DSCAM: variants seen among roughly 807,000 people sequenced by gnomAD.
DSCAM encodes the protein cell adhesion molecule DSCAM.
DSCAM carries 47 observed loss-of-function variants against 217.7 expected under a neutral mutation model. The observed-to-expected ratio is 0.22, with a 90% CI of 0.17 to 0.28. DSCAM has a LOEUF of 0.28. Among genes scored for constraint, DSCAM ranks in the 10% least tolerant of loss-of-function variants. The pLI is 1.00. For synonymous variants in DSCAM, 1,056 were observed against 1,015.3 expected, an observed-to-expected ratio of 1.04 and a Z score of -0.76; for missense variants, 2,080 against 2,618.3, an observed-to-expected ratio of 0.79 and a Z score of 4.49.
At chr21:40,213,592 C>G (rs1997551) in intron 11 of DSCAM, among the ~76,000 whole-genome samples, 74,300 of 151,542 alleles carry the variant, frequency 0.49, 18,731 homozygotes, top group Middle Eastern at 0.58. Flanking sequence ...TATTTGGGTT[C>G]CACGCAGAAA....
At chr21:40,406,103 C>A (rs2075277612) in intron 3 of DSCAM, among the ~76,000 whole-genome samples, 1 of 152,164 alleles carries the variant, frequency 6.6e-6, no homozygotes, top group Non-Finnish European at 1.5e-5. Context: ...AATAACGTAT[C>A]ACCTCATACC....
intron 24 of DSCAM, among the ~76,000 whole-genome samples, chr21:40,081,263 A>G (rs1368666177): frequency 4.6e-5 from 7 of 152,304 alleles, no homozygotes; most frequent in East Asian, 1.9e-4. Flanking sequence ...TGTGTTTGCA[A>G]CAACGGGTTG....
At chr21:40,102,207 G>A (rs899216469) in intron 20 of DSCAM, among the ~76,000 whole-genome samples, 2 of 152,088 alleles carry the variant, frequency 1.3e-5, no homozygotes, top group African/African-American at 4.8e-5. Flanking sequence ...AGACATGGAT[G>A]AATATTTATA....
At chr21:40,556,330 GGCAA>G (rs2076671371) in intron 3 of DSCAM, among the ~76,000 whole-genome samples, 1 of 152,052 alleles carries the variant, frequency 6.6e-6, no homozygotes, top group African/African-American at 2.4e-5. Flanking sequence ...AACAAAAACA[GGCAA>G]TTAACACATA....
intron 28 of DSCAM, among the ~76,000 whole-genome samples, chr21:40,061,156 T>G (rs2089112458): frequency 6.6e-6 from 1 of 152,194 alleles, no homozygotes; most frequent in Non-Finnish European, 1.5e-5. Context: ...GGTCTTTTCA[T>G]TCCCATCAAT....
intron 32 of DSCAM, among the ~76,000 whole-genome samples, chr21:40,039,931 A>G (rs1273793056): frequency 2.6e-5 from 4 of 152,230 alleles, no homozygotes; most frequent in Non-Finnish European, 4.4e-5. Context: ...GACATGACGA[A>G]TATCATCTAG....
At chr21:40,621,781 T>C (rs3804024) in intron 3 of DSCAM, among the ~76,000 whole-genome samples, 13,598 of 151,284 alleles carry the variant, frequency 0.09, 713 homozygotes, top group South Asian at 0.16. Flanking sequence ...GCAAATCCAA[T>C]TGAGCTGTTA....
At position 40,318,057 on chromosome 21, in the gene DSCAM, C is replaced by T. The variant is rs1023413272; in HGVS notation, c.1784-5698G>A. Among the ~76,000 whole-genome samples the T allele has an allele frequency of 2.0e-5, 3 of 151,894 alleles. No individual in the cohort carries two copies. The South Asian group carries it at 6.2e-4, about 32-fold the overall frequency. ...CCATGGTGTATATGTGCCACATTTT[C>T]TTAATCCAGTCTATCATTGTCGCAA... On this transcript the variant is annotated intron_variant, in intron 8 of 32. Transcript: ENST00000400454.
chr21:40,247,422 G>A (rs1466624518), intron 11 of DSCAM, among the ~76,000 whole-genome samples: 1 of 152,164 alleles, frequency 6.6e-6, no homozygotes, highest in Non-Finnish European at 1.5e-5. Context: ...ATACAATGGG[G>A]GTACAGGCAT....
chr21:40,802,818 A>G (rs552619454), intron 1 of DSCAM, among the ~76,000 whole-genome samples: 2 of 152,374 alleles, frequency 1.3e-5, no homozygotes, highest in East Asian at 3.9e-4. Context: ...GTTAGCCTCC[A>G]TAACAGTAAG....
At chr21:40,437,274 G>A (rs1054087824) in intron 3 of DSCAM, among the ~76,000 whole-genome samples, 3 of 152,090 alleles carry the variant, frequency 2.0e-5, no homozygotes, top group African/African-American at 7.2e-5. Flanking sequence ...ACTTGCTGTG[G>A]GAATTGCCAC....
At chr21:40,477,572 T>C (rs1006433692) in intron 3 of DSCAM, among the ~76,000 whole-genome samples, 1 of 152,098 alleles carries the variant, frequency 6.6e-6, no homozygotes, top group Non-Finnish European at 1.5e-5. Flanking sequence ...AAACAGCATA[T>C]GAAACTTAGT....
In DSCAM at chr21:40,013,371, A is replaced by G. The variant is rs1373197046; in HGVS notation, c.5702T>C (p.Leu1901Ser). 1 of 1,568,766 alleles carries G rather than the reference A, an allele frequency of 6.4e-7. No individual in the cohort carries two copies. The highest frequency in any genetic ancestry group is 1.2e-5 in the South Asian group (1 of 82,964). The change falls in exon 33 of 33, where the codon TTG (leucine) becomes TCG (serine). Residue 1901 changes from leucine (L) to serine (S), a missense_variant. Physicochemically the swap from Leu to Ser is moderately radical, Grantham distance 145. Transcript: ENST00000400454. ...KAHRPGDLIH[L>S]PPYLRMDFLL... ...AAAGTCCATTCTAAGGTATGGAGGC[A>G]AATGTATGAGGTCACCTAGAAGGAA...
intron 2 of DSCAM, among the ~76,000 whole-genome samples, chr21:40,706,913 T>C (rs2026273): frequency 0.11 from 16,615 of 152,180 alleles, 1,016 homozygotes; most frequent in Admixed American, 0.17. Flanking sequence ...TCATAGTCCA[T>C]AGGGTTTCAG....
intron 8 of DSCAM, among the ~76,000 whole-genome samples, chr21:40,330,526 A>G (rs1391755019): frequency 1.3e-5 from 2 of 151,784 alleles, no homozygotes; most frequent in Non-Finnish European, 2.9e-5. Flanking sequence ...AAAATGCCAT[A>G]TTTTAAAGAA....
At chr21:40,217,857 G>T (rs1245829926) in intron 11 of DSCAM, among the ~76,000 whole-genome samples, 1 of 152,014 alleles carries the variant, frequency 6.6e-6, no homozygotes, top group Non-Finnish European at 1.5e-5. Context: ...TTTTAATGGG[G>T]TGGTTTGTTT....
intron 1 of DSCAM, among the ~76,000 whole-genome samples, chr21:40,820,680 A>G (rs1426903993): frequency 6.6e-6 from 1 of 152,162 alleles, no homozygotes; most frequent in Non-Finnish European, 1.5e-5. Flanking sequence ...AAATTATCTT[A>G]TGGTTGAACT....
At chr21:40,337,119 C>T (rs1484656024) in intron 8 of DSCAM, among the ~76,000 whole-genome samples, 4 of 152,020 alleles carry the variant, frequency 2.6e-5, no homozygotes, top group Non-Finnish European at 5.9e-5. Context: ...GTGTGTGTGT[C>T]TGTATGCGTT....
intron 3 of DSCAM, among the ~76,000 whole-genome samples, chr21:40,448,645 T>TTATC (rs796139352): frequency 7.2e-5 from 11 of 152,162 alleles, no homozygotes; most frequent in African/African-American, 2.6e-4. Context: ...ATCAATCTAT[T>TTATC]TATCTATCTA....
Sources: gnomAD v4.1 joint callset for allele counts (sites outside exome capture counted in the v4.1 genomes callset) on GRCh38, gnomAD v4.1.1 for gene constraint, MANE v1.5 for transcripts, NCBI Gene and HGNC (gene_info 2026-07-23, HGNC 2026-07-21) for gene names.